PAK2: variants seen among roughly 807,000 people sequenced by gnomAD.
PAK2 encodes the protein p21 (RAC1) activated kinase 2.
Under a neutral mutation model 65.9 loss-of-function variants are expected in PAK2, and 21 were observed. That is an observed-to-expected ratio of 0.32 (90% CI 0.23 to 0.46). The LOEUF is 0.46. PAK2 is among the 20% of genes least tolerant of loss of function. PAK2 has a pLI of 1.00. For synonymous variants in PAK2, 204 were observed against 219.7 expected (o/e 0.93, Z 0.63); for missense variants, 324 against 642.6 (o/e 0.50, Z 5.36).
At chr3:196,825,332 C>T (rs1022518071) in intron 13 of PAK2, among the ~76,000 whole-genome samples, 13 of 149,986 alleles carry the variant, frequency 8.7e-5, no homozygotes, top group African/African-American at 2.2e-4. Context: ...GGCAACAGAG[C>T]GAGACTGTGT....
At chr3:196,812,563 A>C (rs1407738399) in intron 9 of PAK2, among the ~76,000 whole-genome samples, 176 bp from the exon 10 acceptor site, 1 of 152,194 alleles carries the variant, frequency 6.6e-6, no homozygotes, top group African/African-American at 2.4e-5. Context: ...ATCTAAAACT[A>C]GGTTCTAAAC....
At chr3:196,745,818 T>TAAAA (rs747996109) in intron 1 of PAK2, among the ~76,000 whole-genome samples, 59,324 of 141,432 alleles carry the variant, frequency 0.42, 12,916 homozygotes, top group Non-Finnish European at 0.51. Flanking sequence ...CATCTCTAAG[T>TAAAA]AAAAAAAAAA....
chr3:196,743,525 A>G (rs1167655858), intron 1 of PAK2, among the ~76,000 whole-genome samples: 1 of 152,180 alleles, frequency 6.6e-6, no homozygotes, highest in Non-Finnish European at 1.5e-5. Context: ...TACATGCTGT[A>G]GAGTCGATAC....
chr3:196,812,893 A>G (rs753957646), intron 10 of PAK2, 42 bp downstream of exon 10: 2 of 886,028 alleles, frequency 2.3e-6, no homozygotes, highest in South Asian at 2.8e-5. Flanking sequence ...AAAATGTAGA[A>G]ATTTTAAGTC....
chr3:196,803,671 G>A (rs967393140), intron 4 of PAK2, among the ~76,000 whole-genome samples: 6 of 152,162 alleles, frequency 3.9e-5, no homozygotes, highest in African/African-American at 1.4e-4. Flanking sequence ...TACGAAAGAA[G>A]CGTTAGAACT....
chr3:196,812,242 C>T lies in PAK2; in HGVS notation c.797C>T (p.Ala266Val). Residue 266 changes from alanine (A) to valine (V), a missense_variant, in exon 9 of 15, where the codon GCT becomes GTT. Physicochemically the swap from Ala to Val is moderately conservative, Grantham distance 64. Transcript: ENST00000327134. Reference protein sequence around the residue: ...GQGASGTVFTATDVALGQEVA... With the variant: ...GQGASGTVFTVTDVALGQEVA... ...AGGGCTTCTGGTACAGTTTTCACTG[C>T]TACTGACGTTGCACTGGGACAGGAG... 1 of 1,593,028 alleles carries T rather than the reference C, an allele frequency of 6.3e-7. No homozygotes were observed. The highest frequency in any genetic ancestry group is 8.6e-7 in the Non-Finnish European group (1 of 1,161,084).
At chr3:196,818,209 G>T in intron 12 of PAK2, 53 bp downstream of exon 12, 1 of 758,236 alleles carries the variant, frequency 1.3e-6, no homozygotes. Flanking sequence ...TCTGCCTTTT[G>T]TTTAATTAAA....
intron 4 of PAK2, among the ~76,000 whole-genome samples, chr3:196,804,580 G>A (rs1577733785): frequency 6.6e-6 from 1 of 152,054 alleles, no homozygotes; most frequent in Non-Finnish European, 1.5e-5. Flanking sequence ...CAATTCTCCT[G>A]CCTCAGCCTC....
At chr3:196,762,809 A>G (rs948191497) in intron 1 of PAK2, among the ~76,000 whole-genome samples, 12 of 151,574 alleles carry the variant, frequency 7.9e-5, no homozygotes, top group African/African-American at 2.4e-4. Flanking sequence ...AAAAAAAAAA[A>G]GAAGAAAAGT....
intron 1 of PAK2, among the ~76,000 whole-genome samples, chr3:196,758,765 C>T (rs1225530141): frequency 6.6e-6 from 1 of 152,162 alleles, no homozygotes; most frequent in African/African-American, 2.4e-5. Context: ...GGGCGATTCT[C>T]ATGCCTCAGC....
At chr3:196,809,046 A>C (rs965833548) in intron 7 of PAK2, among the ~76,000 whole-genome samples, 2 of 151,556 alleles carry the variant, frequency 1.3e-5, no homozygotes, top group African/African-American at 2.4e-5. Flanking sequence ...AGGCCGAACT[A>C]TACAACTTAG....
At chr3:196,779,712 A>G (rs7622327) in intron 1 of PAK2, among the ~76,000 whole-genome samples, 11,266 of 152,110 alleles carry the variant, frequency 0.074, 785 homozygotes, top group African/African-American at 0.18. Flanking sequence ...TCACTCTGTT[A>G]CCCACGCTGG....
At chr3:196,795,236 A>G (rs918141974) in intron 2 of PAK2, among the ~76,000 whole-genome samples, 1 of 151,396 alleles carries the variant, frequency 6.6e-6, no homozygotes, top group African/African-American at 2.4e-5. Context: ...TGGGAGGATC[A>G]CTTGAGCCCA....
intron 1 of PAK2, among the ~76,000 whole-genome samples, chr3:196,761,704 A>C (rs1713971511): frequency 7.2e-6 from 1 of 138,576 alleles, no homozygotes; most frequent in Non-Finnish European, 1.6e-5. Context: ...GGCCGGGCAG[A>C]GGGGCTCCTC....
intron 10 of PAK2, among the ~76,000 whole-genome samples, chr3:196,813,611 A>G (rs778516286): frequency 6.6e-5 from 10 of 152,320 alleles, no homozygotes; most frequent in Admixed American, 2.0e-4. Flanking sequence ...AGGAAAAAAT[A>G]ATGTTTAGAG....
At chr3:196,799,260 T>G (rs116845311) in intron 2 of PAK2, among the ~76,000 whole-genome samples, 2,260 of 152,280 alleles carry the variant, frequency 0.015, 97 homozygotes, top group Admixed American at 0.093. Context: ...AATGAATGAT[T>G]AAAAAGGGAA....
At position 196,791,986 on chromosome 3, in the gene PAK2, T is replaced by C. The variant is rs1345565141; in HGVS notation, c.187+9153T>C. On this transcript the variant is annotated intron_variant, in intron 2 of 14. Coordinates refer to ENST00000327134, the MANE Select transcript of PAK2 (RefSeq NM_002577.4). The surrounding 1 kb of genome is among the most constrained non-coding windows in gnomAD (Gnocchi z 4.0). The stretch of plus-strand genomic sequence containing the variant: ...TTCTTACAACTTCAGACACTAGTGA[T>C]AGACTGATTCTCAGGGAGCCGAGTC... Among the ~76,000 whole-genome samples the C allele has an allele frequency of 6.6e-6, 1 of 151,892 alleles. No individual in the cohort carries two copies. The highest frequency in any genetic ancestry group is 2.4e-5 in the African/African-American group (1 of 41,426).
intron 1 of PAK2, among the ~76,000 whole-genome samples, chr3:196,754,341 G>T (rs184395552): frequency 6.6e-6 from 1 of 152,280 alleles, no homozygotes; most frequent in African/African-American, 2.4e-5. Context: ...TAACTGTTAT[G>T]TCCTGTCTCA....
chr3:196,758,755 G>A (rs1034151615), intron 1 of PAK2, among the ~76,000 whole-genome samples: 6 of 152,076 alleles, frequency 3.9e-5, no homozygotes, highest in South Asian at 2.1e-4. Context: ...TTCCTGGTTC[G>A]GGCGATTCTC....
Sources: gnomAD v4.1 joint callset for allele counts (sites outside exome capture counted in the v4.1 genomes callset) on GRCh38, gnomAD v4.1.1 for gene constraint, Gnocchi (gnomAD v3.1) non-coding constraint, MANE v1.5 for transcripts, NCBI Gene and HGNC (gene_info 2026-07-23, HGNC 2026-07-21) for gene names.